BRIP1: variants seen among roughly 807,000 people sequenced by gnomAD.
The protein encoded by BRIP1 is BRCA1 interacting DNA helicase 1.
In BRIP1, 88 loss-of-function variants were observed where a neutral mutation model predicts 119.7. The ratio of observed to expected loss-of-function variants is 0.74; its 90% CI spans 0.62 to 0.88. The LOEUF (loss-of-function observed/expected upper bound fraction) is 0.88, where lower values mean the gene tolerates loss of function less well. BRIP1 is among the 40% of genes least tolerant of loss of function. The probability of loss-of-function intolerance (pLI) is 0.00; values close to 1 mark genes in which losing one functional copy is unlikely to be tolerated. For synonymous variants in BRIP1, 443 were observed against 496.5 expected (o/e 0.89, Z 1.43); for missense variants, 1,259 against 1,455.4 (o/e 0.87, Z 2.20).
At chr17:61,784,181 C>T (rs1204045521) in intron 11 of BRIP1, 89 bp downstream of exon 11, 2 of 1,153,584 alleles carry the variant, frequency 1.7e-6, no homozygotes, top group Non-Finnish European at 1.3e-6. Context: ...CCTATTTACT[C>T]ACCCAAAATA....
In BRIP1 at chr17:61,794,711, GA is replaced by G. The variant is rs879931105; in HGVS notation, c.1341-983del. On this transcript the variant is annotated intron_variant, in intron 9 of 19. Coordinates refer to ENST00000259008, the MANE Select transcript of BRIP1 (RefSeq NM_032043.3). The surrounding 1 kb of genome is among the most constrained non-coding windows in gnomAD (Gnocchi z 4.3). ...TTAAAAAAAAAAGTTCTAATAAAATGAAAAAAAAATCAGGTAATTATATACA... is the reference window on the plus strand; with the variant it reads ...TTAAAAAAAAAAGTTCTAATAAAATGAAAAAAAATCAGGTAATTATATACA... 6.8e-5 allele frequency among the ~76,000 whole-genome samples: 10 copies of G among 147,310 alleles called. No individual in the cohort carries two copies. The highest frequency in any genetic ancestry group is 4.0e-4 in the East Asian group (2 of 4,984).
At chr17:61,688,211 T>A (rs981764011) in intron 18 of BRIP1, among the ~76,000 whole-genome samples, 1 of 152,314 alleles carries the variant, frequency 6.6e-6, no homozygotes, top group South Asian at 2.1e-4. Flanking sequence ...TGATGGCTCA[T>A]GCCTGTAATC....
At position 61,795,062 on chromosome 17, in the gene BRIP1, T is replaced by A. The variant is rs1391630575; in HGVS notation, c.1341-1333A>T. On this transcript the variant is annotated intron_variant, in intron 9 of 19. Coordinates refer to ENST00000259008, the MANE Select transcript of BRIP1 (RefSeq NM_032043.3). This position sits in a 1 kb window ranked among gnomAD's most constrained non-coding sequence, Gnocchi z 5.6. Reference sequence around the variant, plus strand: ...TCATCTTGAGTCATCATAAGAAATCTGAATTTATTCAAAGGGCAATGGGAA... The same window carrying A: ...TCATCTTGAGTCATCATAAGAAATCAGAATTTATTCAAAGGGCAATGGGAA... 2.6e-5 allele frequency among the ~76,000 whole-genome samples: 4 copies of A among 152,146 alleles called. No homozygotes were observed. The East Asian group carries it at 5.8e-4, about 22-fold the overall frequency.
chr17:61,834,635 G>A lies in BRIP1; in HGVS notation c.627+12466C>T, dbSNP rs1045956866. 6.6e-6 allele frequency among the ~76,000 whole-genome samples: 1 copy of A among 152,062 alleles called. No homozygotes were observed. The highest frequency in any genetic ancestry group is 2.4e-5 in the African/African-American group (1 of 41,378). ...TCATGTGATTTGCTTTTGGTGACTGGAACATTAGCAAACCTGACACAAACA... is the reference window on the plus strand; with the variant it reads ...TCATGTGATTTGCTTTTGGTGACTGAAACATTAGCAAACCTGACACAAACA... On this transcript the variant is annotated intron_variant, in intron 6 of 19. Transcript: ENST00000259008. The surrounding 1 kb of genome is among the most constrained non-coding windows in gnomAD (Gnocchi z 4.4).
At position 61,796,738 on chromosome 17, in the gene BRIP1, T is replaced by C. The variant is rs1395607230; in HGVS notation, c.1340+2362A>G. The stretch of plus-strand genomic sequence containing the variant: ...ATGATTCTAGCTACCAAGCTAGAAT[T>C]GATTACTGGAGAAAGATGAGTGAAA... On this transcript the variant is annotated intron_variant, in intron 9 of 19. Coordinates refer to ENST00000259008, the MANE Select transcript of BRIP1 (RefSeq NM_032043.3). This position sits in a 1 kb window ranked among gnomAD's most constrained non-coding sequence, Gnocchi z 4.8. Among the ~76,000 whole-genome samples, 1 of 152,040 alleles carries C rather than the reference T, an allele frequency of 6.6e-6. No individual in the cohort carries two copies. The highest frequency in any genetic ancestry group is 1.5e-5 in the Non-Finnish European group (1 of 67,952).
intron 4 of BRIP1, among the ~76,000 whole-genome samples, chr17:61,854,472 A>T (rs1276340917): frequency 2.6e-5 from 4 of 152,116 alleles, no homozygotes; most frequent in Non-Finnish European, 4.4e-5. Context: ...TTTGTGAGGC[A>T]CAGATGGGTG....
Position 61,683,005 on chromosome 17 carries a change from A to G in BRIP1, c.*291T>C. 1 of 359,026 alleles carries G rather than the reference A, an allele frequency of 2.8e-6. No individual in the cohort carries two copies. Among genetic ancestry groups the G allele is most frequent in the Non-Finnish European group, 5.1e-6 (1 of 195,882 alleles). The allele number at this position is 359,026 out of a possible 1,614,324, so 22.2% of individuals were successfully genotyped here. On this transcript the variant is annotated 3_prime_UTR_variant, in exon 20 of 20. Transcript: ENST00000259008. This position sits in a 1 kb window ranked among gnomAD's most constrained non-coding sequence, Gnocchi z 4.7. ...AAACTAGCTGGGCATGGTGGTGCACACCTGTAGTCCCAGCTACTCAGAAGG... is the reference window on the plus strand; with the variant it reads ...AAACTAGCTGGGCATGGTGGTGCACGCCTGTAGTCCCAGCTACTCAGAAGG...
rs1387520017 is a variant in BRIP1 at position 61,689,820 on chromosome 17, G to A, written c.2575+3610C>T. ...GAGCCGAGGAGTTTGAGATTAGCCT[G>A]GGCAACATAGTGAGACCCCATCTCT... On this transcript the variant is annotated intron_variant, in intron 18 of 19. Transcript: ENST00000259008. This position sits in a 1 kb window ranked among gnomAD's most constrained non-coding sequence, Gnocchi z 4.5. Among the ~76,000 whole-genome samples, 1 of 152,088 alleles carries A rather than the reference G, an allele frequency of 6.6e-6. No homozygotes were observed. Among genetic ancestry groups the A allele is most frequent in the Admixed American group, 6.5e-5 (1 of 15,270 alleles).
At chr17:61,688,843 GA>G (rs1266397656) in intron 18 of BRIP1, among the ~76,000 whole-genome samples, 2 of 146,440 alleles carry the variant, frequency 1.4e-5, no homozygotes, top group African/African-American at 5.0e-5. Flanking sequence ...AAATAATATA[GA>G]AAAAAAGGAG....
chr17:61,817,603 A>G (rs1354149991), intron 6 of BRIP1, among the ~76,000 whole-genome samples: 1 of 152,256 alleles, frequency 6.6e-6, no homozygotes, highest in African/African-American at 2.4e-5. Context: ...CGTATTTGAT[A>G]TCTGCACTAT....
chr17:61,703,712 A>G lies in BRIP1; in HGVS notation c.2493-10200T>C, dbSNP rs1052603305. ...GTCTTCATGATGAAATCTTTGCTAG[A>G]GCCTATGTCCAGAATGATATTTCCT... is the stretch of plus-strand genomic sequence containing the variant. On this transcript the variant is annotated intron_variant, in intron 17 of 19. Transcript: ENST00000259008. The surrounding 1 kb of genome is among the most constrained non-coding windows in gnomAD (Gnocchi z 5.0). Among the ~76,000 whole-genome samples, 1 of 152,024 alleles carries G rather than the reference A, an allele frequency of 6.6e-6. No individual in the cohort carries two copies. The highest frequency in any genetic ancestry group is 1.5e-5 in the Non-Finnish European group (1 of 67,992).
rs755473349 is a variant in BRIP1, at chr17:61,769,283, C to T, written c.2097+7118G>A. 4.6e-5 allele frequency among the ~76,000 whole-genome samples: 7 copies of T among 152,236 alleles called. No homozygotes were observed. The highest frequency in any genetic ancestry group is 9.6e-5 in the African/African-American group (4 of 41,560). On this transcript the variant is annotated intron_variant, in intron 14 of 19. Coordinates refer to ENST00000259008, the MANE Select transcript of BRIP1 (RefSeq NM_032043.3). This position sits in a 1 kb window ranked among gnomAD's most constrained non-coding sequence, Gnocchi z 4.9. ...AAGATGATAAATGTGTACTGTTTTA[C>T]GGTGCTAATTTTGTGGTAATTTGTT... is the stretch of plus-strand genomic sequence containing the variant.
rs1208974211 is a variant in BRIP1 at position 61,717,874 on chromosome 17, G to A, written c.2380-1811C>T. Among the ~76,000 whole-genome samples the A allele has an allele frequency of 1.3e-5, 2 of 151,266 alleles. No homozygotes were observed. Among genetic ancestry groups the A allele is most frequent in the East Asian group, 3.9e-4 (2 of 5,162 alleles). ...TTTTTTTCACTCTACACTTCATTTT[G>A]GATAATTTTTATTTATAAGATTTCA... On this transcript the variant is annotated intron_variant, in intron 16 of 19. Transcript: ENST00000259008. This position sits in a 1 kb window ranked among gnomAD's most constrained non-coding sequence, Gnocchi z 4.1.
intron 6 of BRIP1, among the ~76,000 whole-genome samples, chr17:61,829,683 T>C (rs573305845): frequency 6.6e-6 from 1 of 152,150 alleles, no homozygotes; most frequent in South Asian, 2.1e-4. Flanking sequence ...CACACAAAAA[T>C]AAATTAGAAC....
chr17:61,826,779 AGAAAAAG>A (rs1259002252), intron 6 of BRIP1, among the ~76,000 whole-genome samples: 5 of 149,340 alleles, frequency 3.3e-5, no homozygotes, highest in African/African-American at 1.2e-4. Context: ...GAGGTTGCAG[AGAAAAAG>A]GAAAAAGGAA....
chr17:61,855,748 C>G (rs1415528450), intron 4 of BRIP1, among the ~76,000 whole-genome samples: 1 of 152,054 alleles, frequency 6.6e-6, no homozygotes, highest in Non-Finnish European at 1.5e-5. Flanking sequence ...TTATCTAGCA[C>G]CTACCATATG....
Position 61,777,430 on chromosome 17 carries a change from G to A in BRIP1, c.1936-868C>T, listed in dbSNP as rs1352625908. ...ATTCAATTCTGATACTATCTACTGGGAGATGATAACTTCAGATCCCAGAGG... is the reference window on the plus strand; with the variant it reads ...ATTCAATTCTGATACTATCTACTGGAAGATGATAACTTCAGATCCCAGAGG... On this transcript the variant is annotated intron_variant, in intron 13 of 19. Coordinates refer to ENST00000259008, the MANE Select transcript of BRIP1 (RefSeq NM_032043.3). Among the ~76,000 whole-genome samples the A allele has an allele frequency of 2.0e-5, 3 of 152,116 alleles. No homozygotes were observed. The South Asian group carries it at 6.2e-4, about 31-fold the overall frequency.
In BRIP1 at chr17:61,722,319, G is replaced by A. The variant is rs1038361041; in HGVS notation, c.2380-6256C>T. 3.9e-5 allele frequency among the ~76,000 whole-genome samples: 6 copies of A among 152,134 alleles called. No individual in the cohort carries two copies. Among genetic ancestry groups the A allele is most frequent in the African/African-American group, 1.4e-4 (6 of 41,430 alleles). ...GCTTCCCAAAGGGCTGAGATTACAGGCATGGAGCCACTGCCCCCAGCCCAA... is the reference window on the plus strand; with the variant it reads ...GCTTCCCAAAGGGCTGAGATTACAGACATGGAGCCACTGCCCCCAGCCCAA... On this transcript the variant is annotated intron_variant, in intron 16 of 19. Coordinates refer to ENST00000259008, the MANE Select transcript of BRIP1 (RefSeq NM_032043.3). This position sits in a 1 kb window ranked among gnomAD's most constrained non-coding sequence, Gnocchi z 4.6.
At chr17:61,716,833 T>TATAATATGCTTCCA (rs1288480824) in intron 16 of BRIP1, among the ~76,000 whole-genome samples, 6 of 17,460 alleles carry the variant, frequency 3.4e-4, no homozygotes, top group African/African-American at 6.2e-4. Flanking sequence ...CACTACTGGA[T>TATAATATGCTTCCA]TATTAGCTAT....
Sources: gnomAD v4.1 joint callset for allele counts (sites outside exome capture counted in the v4.1 genomes callset) on GRCh38, gnomAD v4.1.1 for gene constraint, Gnocchi (gnomAD v3.1) non-coding constraint, MANE v1.5 for transcripts, NCBI Gene and HGNC (gene_info 2026-07-23, HGNC 2026-07-21) for gene names.